Variants in DMD observed in about 807,000 individuals in gnomAD.
DMD encodes the protein dystrophin.
Under a neutral mutation model 330.1 loss-of-function variants are expected in DMD, and 63 were observed. The ratio of observed to expected loss-of-function variants is 0.19; its 90% CI spans 0.16 to 0.24. The LOEUF (loss-of-function observed/expected upper bound fraction) is 0.24, where lower values mean the gene tolerates loss of function less well. Among genes scored for constraint, DMD ranks in the 10% least tolerant of loss-of-function variants. The pLI is 1.00. For synonymous variants in DMD, 1,223 were observed against 959.8 expected, an observed-to-expected ratio of 1.27 and a Z score of -5.07; for missense variants, 3,344 against 2,684.1, an observed-to-expected ratio of 1.25 and a Z score of -5.43.
At chrX:33,008,540 C>G (rs991347632) in intron 2 of DMD, among the ~76,000 whole-genome samples, 1 of 109,894 alleles carries the variant, frequency 9.1e-6, no homozygotes, top group East Asian at 2.9e-4. Flanking sequence ...CTCTGTAGGT[C>G]AATTGGAAAT....
intron 44 of DMD, among the ~76,000 whole-genome samples, chrX:32,158,478 GC>G (rs1468023156): frequency 8.9e-6 from 1 of 111,953 alleles, no homozygotes; most frequent in African/African-American, 3.2e-5. Context: ...CTGCGGTGGT[GC>G]CTGAGAGTCT....
chrX:31,284,459 C>T (rs2052870106), intron 62 of DMD, among the ~76,000 whole-genome samples: 1 of 111,452 alleles, frequency 9.0e-6, no homozygotes, highest in African/African-American at 3.3e-5. Flanking sequence ...TTAGGGAACT[C>T]ATTTATCAAT....
chrX:31,558,844 GCTAT>G (rs1432634224), intron 55 of DMD, among the ~76,000 whole-genome samples: 1 of 110,746 alleles, frequency 9.0e-6, no homozygotes, highest in Non-Finnish European at 1.9e-5. Context: ...ATGCCTATGG[GCTAT>G]CTAACTATGT....
intron 45 of DMD, among the ~76,000 whole-genome samples, chrX:31,961,740 G>GTTTTT (rs59279553): frequency 9.3e-5 from 7 of 75,601 alleles, no homozygotes; most frequent in African/African-American, 2.7e-4. Flanking sequence ...AAAGGAAGCG[G>GTTTTT]TTTTTTTTTT....
At chrX:31,128,350 G>C (rs939102042) in intron 77 of DMD, among the ~76,000 whole-genome samples, 3 of 111,246 alleles carry the variant, frequency 2.7e-5, no homozygotes, top group Non-Finnish European at 5.7e-5. Flanking sequence ...AAGTGAATTG[G>C]TAAAGTAGTA....
intron 44 of DMD, among the ~76,000 whole-genome samples, chrX:32,042,884 T>A (rs1220598082): frequency 8.9e-6 from 1 of 112,115 alleles, no homozygotes; most frequent in Admixed American, 9.4e-5. Context: ...AACAAGCAGG[T>A]AGTGTTTGTG....
chrX:32,931,268 A>G (rs1347219044), intron 2 of DMD, among the ~76,000 whole-genome samples: 1 of 110,566 alleles, frequency 9.0e-6, no homozygotes, highest in Non-Finnish European at 1.9e-5. Flanking sequence ...CCTAATAAGG[A>G]GATAACCCTA....
intron 57 of DMD, among the ~76,000 whole-genome samples, chrX:31,481,601 G>T (rs2149266888): frequency 8.9e-6 from 1 of 111,895 alleles, no homozygotes; most frequent in Admixed American, 9.5e-5. Context: ...TAAGTATGAG[G>T]AAATAAACTT....
At chrX:32,746,763 T>C (rs765773963) in intron 7 of DMD, among the ~76,000 whole-genome samples, 52 of 111,790 alleles carry the variant, frequency 4.7e-4, no homozygotes, top group Non-Finnish European at 6.2e-4. Context: ...TACTGTTAAC[T>C]GAAGTTACCT....
intron 1 of DMD, among the ~76,000 whole-genome samples, chrX:33,072,678 G>C (rs1272435274): frequency 9.0e-6 from 1 of 111,462 alleles, no homozygotes; most frequent in Non-Finnish European, 1.9e-5. Flanking sequence ...ATTTCAGTGA[G>C]GTAACCAGCC....
chrX:31,952,449 AT>A (rs35582598), intron 45 of DMD, among the ~76,000 whole-genome samples: 26,836 of 96,694 alleles, frequency 0.28, 3,512 homozygotes, highest in African/African-American at 0.48. Context: ...AAATTTACTG[AT>A]TTTTTTTTTT....
chrX:33,285,092 A>G (rs948608529), intron 1 of DMD, among the ~76,000 whole-genome samples: 60 of 111,654 alleles, frequency 5.4e-4, no homozygotes, highest in African/African-American at 1.9e-3. Flanking sequence ...CTATTCATAC[A>G]TGTTGCTTTG....
chrX:32,310,299 C>A, intron 41 of DMD, 23 bp from the exon 42 acceptor site: 2 of 1,178,543 alleles, frequency 1.7e-6, no homozygotes, highest in Non-Finnish European at 2.3e-6. Flanking sequence ...TACAAAAGAA[C>A]AATTTTTTTT....
rs2098181112 is a variant in DMD at position 32,419,546 on chromosome X, T to A, written c.4072-7633A>T. ...TTACAAAGATGTGTACATGTCTGCA[T>A]ATATATCCTTTAAATATAAAATAAA... On this transcript the variant is annotated intron_variant, in intron 29 of 78. Coordinates refer to ENST00000357033, the MANE Select transcript of DMD (RefSeq NM_004006.3). Among the ~76,000 whole-genome samples, 4 of 112,332 alleles carry A rather than the reference T, an allele frequency of 3.6e-5. No homozygotes were observed. The Admixed American group carries it at 3.8e-4, about 11-fold the overall frequency.
At chrX:32,027,192 A>G (rs1389064651) in intron 44 of DMD, among the ~76,000 whole-genome samples, 3 of 107,556 alleles carry the variant, frequency 2.8e-5, no homozygotes, top group Non-Finnish European at 3.8e-5. Flanking sequence ...ACAGAGAGAG[A>G]GAGAGAGAGA....
chrX:33,293,518 G>C (rs1478021333), intron 1 of DMD, among the ~76,000 whole-genome samples: 1 of 111,272 alleles, frequency 9.0e-6, no homozygotes, highest in South Asian at 3.8e-4. Context: ...GGAAGATAGG[G>C]GAAGATGGAC....
intron 52 of DMD, among the ~76,000 whole-genome samples, chrX:31,714,951 C>T (rs906784953): frequency 4.5e-5 from 5 of 111,266 alleles, no homozygotes; most frequent in Non-Finnish European, 7.5e-5. Context: ...GTGATCACAA[C>T]ACATTCTGTT....
At position 33,116,036 on chromosome X, in the gene DMD, T is replaced by C. The variant is rs765408961; in HGVS notation, c.31+95246A>G. On this transcript the variant is annotated intron_variant, in intron 1 of 78. Transcript: ENST00000357033. ...TGGTGAAACCCATCTCTACTAAAAA[T>C]ACAAAAATTGGCCAGGCATGGTGGC... 3.8e-5 allele frequency among the ~76,000 whole-genome samples: 4 copies of C among 106,662 alleles called. No individual in the cohort carries two copies. The South Asian group carries it at 1.3e-3, about 35-fold the overall frequency. The allele number at this position is 106,662 out of a possible 115,157, so 92.6% of individuals were successfully genotyped here. A position where few individuals can be genotyped will look rare whatever the true frequency, so the allele number is the denominator to read the frequency against.
intron 44 of DMD, among the ~76,000 whole-genome samples, chrX:32,003,481 C>A (rs1357087119): frequency 9.0e-6 from 1 of 111,564 alleles, no homozygotes; most frequent in Non-Finnish European, 1.9e-5. Context: ...AGTTTCTTCT[C>A]AAGACTTATC....
Sources: gnomAD v4.1 joint callset for allele counts (sites outside exome capture counted in the v4.1 genomes callset) on GRCh38, gnomAD v4.1.1 for gene constraint, MANE v1.5 for transcripts, NCBI Gene and HGNC (gene_info 2026-07-23, HGNC 2026-07-21) for gene names.